TMPRSS12: variants seen among roughly 807,000 people sequenced by gnomAD.
TMPRSS12 encodes transmembrane protease serine 12.
TMPRSS12 carries 25 observed loss-of-function variants against 26.0 expected under a neutral mutation model. The ratio of observed to expected loss-of-function variants is 0.96; its 90% CI spans 0.70 to 1.34. The LOEUF is 1.34. Ranked by LOEUF, TMPRSS12 falls within the 40% of genes most tolerant of loss-of-function variation. TMPRSS12 has a pLI of 0.00. For synonymous variants in TMPRSS12, 150 were observed against 161.7 expected, an observed-to-expected ratio of 0.93 and a Z score of 0.55; for missense variants, 441 against 440.1, an observed-to-expected ratio of 1.00 and a Z score of -0.02.
intron 3 of TMPRSS12, among the ~76,000 whole-genome samples, chr12:50,863,342 C>T (rs1937956633): frequency 6.6e-6 from 1 of 151,844 alleles, no homozygotes; most frequent in African/African-American, 2.4e-5. Flanking sequence ...AACGTGTGTA[C>T]ACCAAAAAAC....
chr12:50,874,768 A>G (rs1236133702), intron 3 of TMPRSS12, among the ~76,000 whole-genome samples: 1 of 152,192 alleles, frequency 6.6e-6, no homozygotes, highest in Non-Finnish European at 1.5e-5. Flanking sequence ...ATACATCAAT[A>G]ACATTCAAGT....
intron 3 of TMPRSS12, among the ~76,000 whole-genome samples, chr12:50,871,689 C>T (rs1164797046): frequency 3.9e-5 from 6 of 152,144 alleles, no homozygotes; most frequent in Non-Finnish European, 7.3e-5. Flanking sequence ...ACAATCTATA[C>T]ATTTGACAAA....
intron 3 of TMPRSS12, among the ~76,000 whole-genome samples, chr12:50,860,089 A>C (rs759458436): frequency 6.6e-6 from 1 of 152,238 alleles, no homozygotes; most frequent in Non-Finnish European, 1.5e-5. Flanking sequence ...TTGAACGTTA[A>C]GATAGAATGA....
intron 2 of TMPRSS12, among the ~76,000 whole-genome samples, chr12:50,844,868 G>A (rs947958077): frequency 6.6e-6 from 1 of 152,188 alleles, no homozygotes; most frequent in Non-Finnish European, 1.5e-5. Flanking sequence ...AACGTGTCAT[G>A]AAATATTGTG....
At chr12:50,849,567 A>G (rs1021449019) in intron 2 of TMPRSS12, among the ~76,000 whole-genome samples, 2 of 152,038 alleles carry the variant, frequency 1.3e-5, no homozygotes, top group African/African-American at 4.8e-5. Flanking sequence ...CTTGGCAGCC[A>G]TTGATCTGTT....
chr12:50,843,035 C>G lies in TMPRSS12; in HGVS notation c.71C>G (p.Ser24Trp), dbSNP rs112205327. Residue 24 changes from serine to tryptophan, a missense_variant, in exon 1 of 5, where the codon TCG becomes TGG. Ser to Trp is a radical substitution (Grantham distance 177, BLOSUM62 -3). Transcript: ENST00000398458. ...GSSHLYSDHY[S>W]PSGRHRLGPS... is the part of the protein sequence containing the mutation. ...TCTCACTTATACTCAGACCACTACT[C>G]GCCCTCTGGAAGGCACAGGCTCGGC... The G allele has an allele frequency of 2.2e-3, 3,453 of 1,605,740 alleles. 8 individuals carry two copies. Among genetic ancestry groups the G allele is most frequent in the Non-Finnish European group, 2.8e-3 (3,269 of 1,176,334 alleles).
At chr12:50,886,456 A>G (rs1023756609) in intron 4 of TMPRSS12, 1 of 152,122 alleles carries the variant, frequency 6.6e-6, no homozygotes, top group Non-Finnish European at 1.5e-5. Context: ...TCTGCAATCT[A>G]AAGTTTATCT....
intron 3 of TMPRSS12, among the ~76,000 whole-genome samples, chr12:50,865,718 A>G (rs1269602552): frequency 6.6e-6 from 1 of 151,704 alleles, no homozygotes. Flanking sequence ...AAAACAGAAG[A>G]TCTGAAATGT....
chr12:50,878,238 T>C (rs1186043992), intron 3 of TMPRSS12, among the ~76,000 whole-genome samples: 4 of 149,964 alleles, frequency 2.7e-5, no homozygotes, highest in Admixed American at 2.0e-4. Context: ...GACTGTCTGA[T>C]TTCAAAACGT....
chr12:50,857,948 C>G (rs915921403), intron 2 of TMPRSS12, among the ~76,000 whole-genome samples: 10 of 152,058 alleles, frequency 6.6e-5, no homozygotes, highest in African/African-American at 2.4e-4. Flanking sequence ...CCTGCCTCAG[C>G]CTCCCGAGTA....
At chr12:50,863,112 G>T (rs1418554967) in intron 3 of TMPRSS12, among the ~76,000 whole-genome samples, 1 of 151,858 alleles carries the variant, frequency 6.6e-6, no homozygotes, top group Non-Finnish European at 1.5e-5. Context: ...TCGAGGTTAT[G>T]GTGAGCTATG....
At position 50,843,841 on chromosome 12, in the gene TMPRSS12, G is replaced by C; in HGVS notation, c.188-1G>C. ...AAATAATATATCATTTTTATTTTTA[G>C]ATTGTGGAACAGCACCGCTTAAGGA... is the stretch of plus-strand genomic sequence containing the variant. On this transcript the variant is annotated splice_acceptor_variant, in intron 1 of 4. Coordinates refer to ENST00000398458, the MANE Select transcript of TMPRSS12 (RefSeq NM_182559.3). LOFTEE classifies it high-confidence loss of function. The C allele has an allele frequency of 6.4e-7, 1 of 1,550,458 alleles. No homozygotes were observed. The highest frequency in any genetic ancestry group is 2.4e-5 in the East Asian group (1 of 40,902).
At chr12:50,872,304 G>C (rs1002937406) in intron 3 of TMPRSS12, among the ~76,000 whole-genome samples, 2 of 151,362 alleles carry the variant, frequency 1.3e-5, no homozygotes, top group African/African-American at 4.9e-5. Flanking sequence ...ATGAGGTCAG[G>C]AGATCGAGAC....
At chr12:50,881,960 TCAAAAAAAAAAAAAAAAAAA>T (rs1370433137) in intron 3 of TMPRSS12, among the ~76,000 whole-genome samples, 1 of 34,252 alleles carries the variant, frequency 2.9e-5, no homozygotes, top group African/African-American at 1.1e-4. Context: ...CGAGACCACT[TCAAAAAAAAAAAAAAAAAAA>T]AAAAAAAAAA....
rs930383388 is a variant in TMPRSS12 at position 50,862,088 on chromosome 12, G to A, written c.652+3035G>A. Among the ~76,000 whole-genome samples, 9 of 152,162 alleles carry A rather than the reference G, an allele frequency of 5.9e-5. 1 individual carries two copies. Among genetic ancestry groups the A allele is most frequent in the Middle Eastern group, 3.2e-3 (1 of 316 alleles). ...CTCCCAAAGTGCTGGGATTACAGGCGTGAGCCAGGTGCACCCGGCCTAATA... is the reference window on the plus strand; with the variant it reads ...CTCCCAAAGTGCTGGGATTACAGGCATGAGCCAGGTGCACCCGGCCTAATA... On this transcript the variant is annotated intron_variant, in intron 3 of 4. Coordinates refer to ENST00000398458, the MANE Select transcript of TMPRSS12 (RefSeq NM_182559.3).
At chr12:50,872,618 TATATATGTACATATATATGAC>T (rs1938060329) in intron 3 of TMPRSS12, among the ~76,000 whole-genome samples, 1 of 121,968 alleles carries the variant, frequency 8.2e-6, no homozygotes, top group African/African-American at 3.0e-5. Context: ...ATATATGACG[TATATATGTACATATATATGAC>T]GTATATGTAC....
At position 50,887,455 on chromosome 12, in the gene TMPRSS12, T is replaced by C. The variant is rs1227798561; in HGVS notation, c.989T>C (p.Ile330Thr). The C allele has an allele frequency of 3.7e-6, 6 of 1,613,816 alleles. No homozygotes were observed. The African/African-American group carries it at 5.3e-5, about 14-fold the overall frequency. The change falls in exon 5 of 5, where the codon ATT (isoleucine) becomes ACT (threonine). Residue 330 changes from isoleucine to threonine, a missense_variant. Ile to Thr is a moderately conservative substitution (Grantham distance 89). Transcript: ENST00000398458. ...ASTQGILTIN[I>T]LRGQILIALC... ...ACTCAAGGCATACTTACTATAAATA[T>C]TTTACGTGGCCAGATCCTCATAGCT...
At position 50,852,145 on chromosome 12, in the gene TMPRSS12, T is replaced by C. The variant is rs547754243; in HGVS notation, c.384-6640T>C. On this transcript the variant is annotated intron_variant, in intron 2 of 4. Transcript: ENST00000398458. Reference sequence around the variant, plus strand: ...ACTATAAAGCAACTACACAATCAAGTTTACATAAACAAGCTAACAACACAA... The same window carrying C: ...ACTATAAAGCAACTACACAATCAAGCTTACATAAACAAGCTAACAACACAA... 2.0e-5 allele frequency among the ~76,000 whole-genome samples: 3 copies of C among 152,146 alleles called. No homozygotes were observed. The East Asian group carries it at 5.8e-4, about 29-fold the overall frequency.
chr12:50,844,073 AG>A, intron 2 of TMPRSS12, 36 bp downstream of exon 2: 2 of 1,468,972 alleles, frequency 1.4e-6, no homozygotes, highest in Non-Finnish European at 9.0e-7. Flanking sequence ...TTATGCTCTT[AG>A]GGGATATTTT....
Sources: allele counts gnomAD v4.1 joint callset (sites outside exome capture counted in the v4.1 genomes callset), GRCh38; gene constraint gnomAD v4.1.1; transcripts MANE v1.5; gene names NCBI Gene and HGNC (gene_info 2026-07-23, HGNC 2026-07-21).